The following PLXNA4 variants were observed in gnomAD, a reference collection of about 807,000 sequenced individuals.
The protein encoded by PLXNA4 is plexin A4.
Under a neutral mutation model 191.8 loss-of-function variants are expected in PLXNA4, and 44 were observed. The ratio of observed to expected loss-of-function variants is 0.23; its 90% CI spans 0.18 to 0.29. The LOEUF (loss-of-function observed/expected upper bound fraction) is 0.29, where lower values mean the gene tolerates loss of function less well. Among genes scored for constraint, PLXNA4 ranks in the 10% least tolerant of loss-of-function variants. PLXNA4 has a pLI of 1.00. For synonymous variants in PLXNA4, 1,082 were observed against 1,009.5 expected (o/e 1.07, Z -1.36); for missense variants, 1,800 against 2,488.8 (o/e 0.72, Z 5.89).
chr7:132,342,663 G>A (rs1238266900), intron 3 of PLXNA4, among the ~76,000 whole-genome samples: 3 of 152,018 alleles, frequency 2.0e-5, no homozygotes, highest in Admixed American at 1.3e-4. Context: ...ATATTTACAC[G>A]AGGCCAGGCA....
In PLXNA4 at chr7:132,182,271, G is replaced by A. The variant is rs1047014560; in HGVS notation, c.3159-81C>T. On this transcript the variant is annotated intron_variant, in intron 16 of 31. Transcript: ENST00000321063. ...CACTCTACAATGATGACTGAGCTAT[G>A]ACAATAAGGACAGTGATAACTAGGC... The A allele has an allele frequency of 1.9e-6, 3 of 1,562,096 alleles. No homozygotes were observed. In the Admixed American group the frequency reaches 5.4e-5, roughly 28 times the overall value.
chr7:132,146,410 C>T (rs1795435621), intron 28 of PLXNA4, 100 bp downstream of exon 28: 3 of 1,594,658 alleles, frequency 1.9e-6, no homozygotes, highest in South Asian at 1.1e-5. Context: ...TGGGCACCAG[C>T]ATGAATGCTG....
At chr7:132,383,735 A>G in intron 3 of PLXNA4, 1 of 984,544 alleles carries the variant, frequency 1.0e-6, no homozygotes. Flanking sequence ...CTTGGTGATT[A>G]TTACCCTTGA....
intron 3 of PLXNA4, among the ~76,000 whole-genome samples, chr7:132,432,013 CCT>C: frequency 6.6e-6 from 1 of 152,224 alleles, no homozygotes; most frequent in East Asian, 1.9e-4. Flanking sequence ...CTACTGGTGG[CCT>C]CTGTCATGAG....
chr7:132,313,589 T>C (rs1178370441), intron 3 of PLXNA4, among the ~76,000 whole-genome samples: 1 of 151,836 alleles, frequency 6.6e-6, no homozygotes, highest in African/African-American at 2.4e-5. Flanking sequence ...GCCGTGTGGG[T>C]GGAAAGAAGA....
chr7:132,200,721 C>T (rs1185936544), intron 12 of PLXNA4, among the ~76,000 whole-genome samples: 1 of 152,234 alleles, frequency 6.6e-6, no homozygotes, highest in Admixed American at 6.5e-5. Flanking sequence ...TGCTTTCACA[C>T]ATCCCTGGTG....
chr7:132,383,949 TTCAAC>T, intron 3 of PLXNA4: 1 of 985,454 alleles, frequency 1.0e-6, no homozygotes, highest in East Asian at 1.1e-4. Context: ...TATAATGCTT[TTCAAC>T]TCTTTCAAAG....
At position 132,140,661 on chromosome 7, in the gene PLXNA4, G is replaced by A; in HGVS notation, c.5376C>T (p.Asp1792=). Residue 1792 remains aspartate (D), a synonymous_variant, in exon 30 of 32, where the codon GAC becomes GAT. Transcript: ENST00000321063. The part of the protein sequence containing the change: ...CSTSEHRLGK[D]SPSNKLLYAK... ...CATACAGCAGCTTGTTGGAGGGCGA[G>A]TCCTTGCCCAGCCGGTGCTCTGACG... 3 of 1,614,176 alleles carry A rather than the reference G, an allele frequency of 1.9e-6. No individual in the cohort carries two copies. Among genetic ancestry groups the A allele is most frequent in the Non-Finnish European group, 2.5e-6 (3 of 1,180,036 alleles).
intron 4 of PLXNA4, among the ~76,000 whole-genome samples, chr7:132,276,155 G>A (rs1800269824): frequency 6.6e-6 from 1 of 152,196 alleles, no homozygotes; most frequent in South Asian, 2.1e-4. Flanking sequence ...CCTCCAGAAT[G>A]TAAGCTACAT....
chr7:132,634,978 C>T (rs1803567667), intron 2 of PLXNA4, among the ~76,000 whole-genome samples: 1 of 151,874 alleles, frequency 6.6e-6, no homozygotes, highest in African/African-American at 2.4e-5. Context: ...GGCAGAAAAA[C>T]GAGAAAAGAC....
chr7:132,597,212 G>T (rs1802727655), intron 2 of PLXNA4, among the ~76,000 whole-genome samples: 1 of 151,994 alleles, frequency 6.6e-6, no homozygotes, highest in East Asian at 1.9e-4. Context: ...AATTCACTTT[G>T]AATTTTTCCC....
intron 4 of PLXNA4, among the ~76,000 whole-genome samples, chr7:132,252,032 G>A (rs1799268509): frequency 6.6e-6 from 1 of 152,198 alleles, no homozygotes. Context: ...GACGACAGAT[G>A]ACCCAAGGAA....
chr7:132,301,748 T>C (rs761602117), intron 3 of PLXNA4, among the ~76,000 whole-genome samples: 5 of 152,258 alleles, frequency 3.3e-5, no homozygotes, highest in Non-Finnish European at 7.3e-5. Context: ...GAGAGAAACG[T>C]GCATATGAAT....
chr7:132,507,884 G>A lies in PLXNA4; in HGVS notation c.810C>T (p.Thr270=), dbSNP rs546576499. Residue 270 remains threonine, a synonymous_variant, in exon 2 of 32, where the codon ACC becomes ACT. Transcript: ENST00000321063. ...QPEMVSPPGS[T]TKEQVYTSKL... is the part of the protein sequence containing the mutation. The stretch of plus-strand genomic sequence containing the variant: ...TGGATGTATACACCTGCTCCTTGGT[G>A]GTGGAGCCTGGTGGAGACACCATCT... 6.2e-7 allele frequency: 1 copy of A among 1,614,174 alleles called. No homozygotes were observed. The highest frequency in any genetic ancestry group is 8.5e-7 in the Non-Finnish European group (1 of 1,180,036).
chr7:132,525,874 A>G (rs116150523), intron 1 of PLXNA4, among the ~76,000 whole-genome samples: 3,923 of 152,304 alleles, frequency 0.026, 178 homozygotes, highest in African/African-American at 0.088. Context: ...AAAAGTCCTC[A>G]GAGGTGGTGC....
intron 16 of PLXNA4, among the ~76,000 whole-genome samples, chr7:132,183,973 C>T (rs561189265): frequency 3.9e-5 from 6 of 152,202 alleles, no homozygotes; most frequent in Non-Finnish European, 8.8e-5. Context: ...AATACATGTA[C>T]GAGTGAGCAT....
intron 2 of PLXNA4, among the ~76,000 whole-genome samples, chr7:132,642,426 G>C (rs1028809004): frequency 3.3e-5 from 5 of 151,918 alleles, no homozygotes; most frequent in African/African-American, 7.3e-5. Flanking sequence ...GGATGAACAG[G>C]GTTGCCCTTA....
chr7:132,246,461 T>C (rs1799053295), intron 4 of PLXNA4, among the ~76,000 whole-genome samples: 1 of 152,172 alleles, frequency 6.6e-6, no homozygotes, highest in South Asian at 2.1e-4. Flanking sequence ...CTCTCACCCA[T>C]TCCAAAAGGC....
intron 1 of PLXNA4, among the ~76,000 whole-genome samples, chr7:132,522,483 A>G (rs1180574675): frequency 3.3e-5 from 5 of 152,182 alleles, no homozygotes; most frequent in African/African-American, 1.2e-4. Context: ...TAAACTCCAA[A>G]GCTGGCTGGG....
Sources: gnomAD v4.1 joint callset for allele counts (sites outside exome capture counted in the v4.1 genomes callset) on GRCh38, gnomAD v4.1.1 for gene constraint, MANE v1.5 for transcripts, NCBI Gene and HGNC (gene_info 2026-07-23, HGNC 2026-07-21) for gene names.